AOPEP: variants seen among roughly 807,000 people sequenced by gnomAD.
The protein encoded by AOPEP is aminopeptidase O.
In AOPEP, 77 loss-of-function variants were observed where a neutral mutation model predicts 98.1. The ratio of observed to expected loss-of-function variants is 0.78; its 90% CI spans 0.65 to 0.95. The LOEUF (loss-of-function observed/expected upper bound fraction) is 0.95. AOPEP is among the 40% of genes least tolerant of loss of function. The probability of loss-of-function intolerance (pLI) is 0.00; values close to 1 mark genes in which losing one functional copy is unlikely to be tolerated. For missense variants in AOPEP, 1,024 were observed against 1,024.7 expected, an observed-to-expected ratio of 1.00 and a Z score of 0.01; for synonymous variants, 346 against 365.3, an observed-to-expected ratio of 0.95 and a Z score of 0.60.
chr9:94,754,678 G>A (rs1836606380), intron 1 of AOPEP, among the ~76,000 whole-genome samples: 1 of 152,170 alleles, frequency 6.6e-6, no homozygotes, highest in African/African-American at 2.4e-5. Flanking sequence ...GCTGTGTTGA[G>A]GATACTCCAC....
At chr9:95,114,581 G>C in the AOPEP span, 6 of 1,527,774 alleles carry the variant, frequency 3.9e-6, no homozygotes, top group Admixed American at 1.0e-4. Context: ...TGAGGATCTA[G>C]GGAAACCATG....
chr9:95,082,988 T>G (rs1564618515), intron 16 of AOPEP: 2 of 420,510 alleles, frequency 4.8e-6, no homozygotes, highest in Non-Finnish European at 8.6e-6. Flanking sequence ...TTGGCACTAT[T>G]TTGGCCACTT....
intron 2 of AOPEP, among the ~76,000 whole-genome samples, chr9:94,772,045 A>AT (rs1841011656): frequency 6.6e-6 from 1 of 152,232 alleles, no homozygotes; most frequent in Non-Finnish European, 1.5e-5. Context: ...ATGCTCAATT[A>AT]TAATGATGTT....
intron 10 of AOPEP, among the ~76,000 whole-genome samples, chr9:94,976,918 C>T (rs2059883854): frequency 6.6e-6 from 1 of 152,196 alleles, no homozygotes; most frequent in Non-Finnish European, 1.5e-5. Context: ...CCTCCTGCCT[C>T]AGCCTCCCAA....
intron 5 of AOPEP, among the ~76,000 whole-genome samples, chr9:94,848,913 A>T (rs2043190077): frequency 6.6e-6 from 1 of 152,124 alleles, no homozygotes; most frequent in Non-Finnish European, 1.5e-5. Flanking sequence ...CGTAGCTGGG[A>T]TTACAGGCAT....
chr9:95,132,011 T>C, the AOPEP span, among the ~76,000 whole-genome samples: 1 of 152,170 alleles, frequency 6.6e-6, no homozygotes, highest in African/African-American at 2.4e-5. Flanking sequence ...CCATAAAGAT[T>C]TTTAGGTAGG....
At chr9:94,824,190 ACAGT>A (rs781201824) in intron 5 of AOPEP, 17 of 152,332 alleles carry the variant, frequency 1.1e-4, no homozygotes, top group Admixed American at 3.9e-4. Context: ...AGGAACAACA[ACAGT>A]CAGTGTTCCA....
chr9:95,082,190 G>C (rs1369441069), intron 15 of AOPEP, among the ~76,000 whole-genome samples: 1 of 152,108 alleles, frequency 6.6e-6, no homozygotes, highest in South Asian at 2.1e-4. Context: ...CACACTTTGC[G>C]GGGCAGGAGT....
chr9:95,082,628 G>A lies in AOPEP; in HGVS notation c.2373G>A (p.Gln791=). 6.2e-7 allele frequency: 1 copy of A among 1,614,240 alleles called. No homozygotes were observed. ...GELMVSEDAR[Q]QQLARRCFER... is the part of the protein sequence containing the mutation. Reference sequence around the variant, plus strand: ...TGATGGTGAGTGAGGACGCCAGACAGCAGCAGCTCGCCCGTAGGTGCTTCG... The same window carrying A: ...TGATGGTGAGTGAGGACGCCAGACAACAGCAGCTCGCCCGTAGGTGCTTCG... The change falls in exon 16 of 17, where the codon CAG becomes CAA. Residue 791 remains glutamine (Q), a synonymous_variant. Coordinates refer to ENST00000375315, the MANE Select transcript of AOPEP (RefSeq NM_001193329.3).
Position 95,037,393 on chromosome 9 carries a change from C to A in AOPEP, c.2116-23301C>A, listed in dbSNP as rs548267271. ...ATGAAAAATATTTTTCTCCTTGACA[C>A]CTTAAAGTTGTTGTCAAAAGTATTA... On this transcript the variant is annotated intron_variant, in intron 13 of 16. Coordinates refer to ENST00000375315, the MANE Select transcript of AOPEP (RefSeq NM_001193329.3). Among the ~76,000 whole-genome samples, 12 of 152,196 alleles carry A rather than the reference C, an allele frequency of 7.9e-5. No homozygotes were observed. In the South Asian group the frequency reaches 2.5e-3, roughly 32 times the overall value.
the AOPEP span, among the ~76,000 whole-genome samples, chr9:95,125,915 C>T: frequency 1.3e-5 from 2 of 152,338 alleles, no homozygotes; most frequent in East Asian, 1.9e-4. Flanking sequence ...ATGGTTAGTA[C>T]TCCCACTAAC....
chr9:94,855,487 G>C (rs1488297589), intron 5 of AOPEP, among the ~76,000 whole-genome samples: 1 of 151,864 alleles, frequency 6.6e-6, no homozygotes, highest in Non-Finnish European at 1.5e-5. Flanking sequence ...TCGGGAGTTC[G>C]AGACCAGCCT....
chr9:94,985,927 A>G (rs1054463703), intron 11 of AOPEP, among the ~76,000 whole-genome samples: 52 of 152,240 alleles, frequency 3.4e-4, no homozygotes, highest in Non-Finnish European at 1.8e-4. Flanking sequence ...AAATTGCTCT[A>G]CTGCTCAGCA....
chr9:94,739,623 G>A (rs1281686917), intron 1 of AOPEP, among the ~76,000 whole-genome samples: 5 of 148,034 alleles, frequency 3.4e-5, no homozygotes, highest in African/African-American at 5.0e-5. Context: ...CAGCCTGGGG[G>A]ACAAGAGCGA....
chr9:94,910,653 T>C (rs548347224), intron 5 of AOPEP, among the ~76,000 whole-genome samples: 18 of 152,348 alleles, frequency 1.2e-4, no homozygotes, highest in Admixed American at 7.2e-4. Context: ...GGACGTCTTT[T>C]GCCCCAGGGC....
chr9:94,935,810 A>G (rs2056181183), intron 7 of AOPEP, among the ~76,000 whole-genome samples: 1 of 151,768 alleles, frequency 6.6e-6, no homozygotes, highest in South Asian at 2.1e-4. Flanking sequence ...TGAATGCTTA[A>G]CTCCCCGTTG....
intron 5 of AOPEP, among the ~76,000 whole-genome samples, chr9:94,886,250 CA>C (rs1415743753): frequency 6.6e-6 from 1 of 152,138 alleles, no homozygotes; most frequent in Non-Finnish European, 1.5e-5. Context: ...CTAAAGTACA[CA>C]AAGAAAATAG....
chr9:95,045,887 G>A (rs1277740444), intron 13 of AOPEP, among the ~76,000 whole-genome samples: 1 of 152,182 alleles, frequency 6.6e-6, no homozygotes, highest in African/African-American at 2.4e-5. Context: ...CTGCGGAATG[G>A]AGAGTGGTGT....
At chr9:94,949,977 C>G (rs1415337052) in intron 7 of AOPEP, among the ~76,000 whole-genome samples, 2 of 152,166 alleles carry the variant, frequency 1.3e-5, no homozygotes, top group African/African-American at 4.8e-5. Flanking sequence ...AGTCAAGGAG[C>G]AAGCTTAAAG....
Sources: allele counts gnomAD v4.1 joint callset (sites outside exome capture counted in the v4.1 genomes callset), GRCh38; gene constraint gnomAD v4.1.1; transcripts MANE v1.5; gene names NCBI Gene and HGNC (gene_info 2026-07-23, HGNC 2026-07-21).